CPNE4: variants seen among roughly 807,000 people sequenced by gnomAD.
CPNE4 encodes the protein copine 4, also known as copine-4.
In CPNE4, 25 loss-of-function variants were observed where a neutral mutation model predicts 67.9. That is an observed-to-expected ratio of 0.37 (90% CI 0.27 to 0.51). The LOEUF is 0.51. Among genes scored for constraint, CPNE4 ranks in the 20% least tolerant of loss-of-function variants. The pLI is 0.93. For missense variants in CPNE4, 464 were observed against 690.8 expected (o/e 0.67, Z 3.68); for synonymous variants, 242 against 244.9 (o/e 0.99, Z 0.11).
chr3:131,559,942 T>C (rs1272857279), intron 11 of CPNE4, among the ~76,000 whole-genome samples: 1 of 152,056 alleles, frequency 6.6e-6, no homozygotes, highest in African/African-American at 2.4e-5. Context: ...AAACTCATGA[T>C]GAAAAATGTC....
intron 1 of CPNE4, among the ~76,000 whole-genome samples, chr3:132,009,697 T>C (rs2107675559): frequency 6.6e-6 from 1 of 152,342 alleles, no homozygotes; most frequent in South Asian, 2.1e-4. Context: ...AAAAATTATG[T>C]ATGCAGAGAT....
intron 2 of CPNE4, among the ~76,000 whole-genome samples, chr3:131,760,240 TGAGAG>T (rs1363830680): frequency 2.0e-5 from 3 of 152,198 alleles, no homozygotes; most frequent in African/African-American, 4.8e-5. Context: ...GTCTGAATTA[TGAGAG>T]GAAAGAAGAC....
intron 2 of CPNE4, among the ~76,000 whole-genome samples, chr3:131,900,888 T>C (rs1260379229): frequency 6.6e-6 from 1 of 152,108 alleles, no homozygotes; most frequent in Non-Finnish European, 1.5e-5. Context: ...TGCTTCCATA[T>C]GGAATTGATC....
At chr3:131,846,290 G>C (rs534793841) in intron 2 of CPNE4, among the ~76,000 whole-genome samples, 1 of 152,112 alleles carries the variant, frequency 6.6e-6, no homozygotes, top group Non-Finnish European at 1.5e-5. Flanking sequence ...AGAGGTGTTC[G>C]TTTAGTACAG....
At chr3:131,877,632 C>G (rs1326436454) in intron 2 of CPNE4, among the ~76,000 whole-genome samples, 1 of 151,968 alleles carries the variant, frequency 6.6e-6, no homozygotes, top group East Asian at 1.9e-4. Flanking sequence ...ATAATTGTAA[C>G]AGTATAAAGC....
chr3:131,589,218 G>C (rs73874141), intron 7 of CPNE4, among the ~76,000 whole-genome samples: 17,094 of 152,126 alleles, frequency 0.11, 1,287 homozygotes, highest in African/African-American at 0.21. Context: ...AAGTCTAAAA[G>C]CCTCAAAACC....
chr3:131,652,196 CA>C (rs992687940), intron 7 of CPNE4, among the ~76,000 whole-genome samples: 3 of 152,138 alleles, frequency 2.0e-5, no homozygotes, highest in African/African-American at 7.2e-5. Context: ...AACAACAGAG[CA>C]AGGTAGTATA....
chr3:131,545,206 C>T (rs1159074164), intron 14 of CPNE4, among the ~76,000 whole-genome samples: 1 of 152,100 alleles, frequency 6.6e-6, no homozygotes, highest in Non-Finnish European at 1.5e-5. Context: ...GTCACAAAAT[C>T]TTCATATGTC....
chr3:131,570,335 T>TTTA (rs1559915596), intron 10 of CPNE4, among the ~76,000 whole-genome samples: 7 of 150,876 alleles, frequency 4.6e-5, no homozygotes, highest in African/African-American at 1.7e-4. Flanking sequence ...TTATTTATTT[T>TTTA]TTTAAAATTT....
chr3:131,934,463 T>G (rs1455669087), intron 1 of CPNE4, among the ~76,000 whole-genome samples: 1 of 152,214 alleles, frequency 6.6e-6, no homozygotes, highest in African/African-American at 2.4e-5. Flanking sequence ...GTACAGAACA[T>G]GCAGGTTTGT....
chr3:131,652,219 T>G (rs1031969612), intron 7 of CPNE4, among the ~76,000 whole-genome samples: 7 of 152,224 alleles, frequency 4.6e-5, no homozygotes, highest in African/African-American at 1.7e-4. Flanking sequence ...GATAAACTCA[T>G]TTTAGAAAGC....
chr3:131,792,704 C>CACGTGTATATATATACATATATAT (rs2083791426), intron 2 of CPNE4, among the ~76,000 whole-genome samples: 1 of 71,894 alleles, frequency 1.4e-5, no homozygotes, highest in African/African-American at 6.5e-5. Context: ...TACATATACA[C>CACGTGTATATATATACATATATAT]ACACGTGTAT....
chr3:131,898,744 A>AT (rs1482142029), intron 2 of CPNE4, among the ~76,000 whole-genome samples: 1 of 152,136 alleles, frequency 6.6e-6, no homozygotes, highest in Non-Finnish European at 1.5e-5. Flanking sequence ...AGGAGAAAAT[A>AT]TTATCTGGCT....
At chr3:131,930,908 A>G (rs2369233) in intron 1 of CPNE4, among the ~76,000 whole-genome samples, 54,476 of 151,918 alleles carry the variant, frequency 0.36, 10,380 homozygotes, top group African/African-American at 0.47. Flanking sequence ...CTCTCTTCAC[A>G]TGCCTGCGCC....
rs138357756 is a variant in CPNE4, at chr3:131,839,536, T to C, written c.180+65728A>G. On this transcript the variant is annotated intron_variant, in intron 2 of 15. Coordinates refer to ENST00000429747, the MANE Select transcript of CPNE4 (RefSeq NM_130808.3). ...CATAGTGAGATTACATATTTGCATA[T>C]GCATTTTAATTTTATATATCAATAT... Among the ~76,000 whole-genome samples, 238 of 151,874 alleles carry C rather than the reference T, an allele frequency of 1.6e-3. 4 individuals carry two copies. Among genetic ancestry groups the C allele is most frequent in the Non-Finnish European group, 9.0e-4 (61 of 67,868 alleles).
At chr3:131,543,036 A>G (rs550597845) in intron 14 of CPNE4, 8 of 462,642 alleles carry the variant, frequency 1.7e-5, no homozygotes, top group African/African-American at 1.6e-4. Flanking sequence ...GTTACAAAGA[A>G]AGAGCAGCAG....
chr3:131,690,346 A>T (rs577042904), intron 5 of CPNE4, among the ~76,000 whole-genome samples: 1 of 152,264 alleles, frequency 6.6e-6, no homozygotes, highest in African/African-American at 2.4e-5. Context: ...CAGACACATA[A>T]GACCAATGGA....
At chr3:131,783,817 A>G (rs2083485706) in intron 2 of CPNE4, among the ~76,000 whole-genome samples, 1 of 152,048 alleles carries the variant, frequency 6.6e-6, no homozygotes, top group African/African-American at 2.4e-5. Context: ...GTCATCTCCT[A>G]TTGCTTATCC....
At chr3:131,557,175 G>A (rs915239468) in intron 11 of CPNE4, among the ~76,000 whole-genome samples, 10 of 152,122 alleles carry the variant, frequency 6.6e-5, no homozygotes, top group African/African-American at 2.4e-4. Context: ...GCTGTCGGGT[G>A]GCTGTCGCCA....
Sources: gnomAD v4.1 joint callset for allele counts (sites outside exome capture counted in the v4.1 genomes callset) on GRCh38, gnomAD v4.1.1 for gene constraint, MANE v1.5 for transcripts, NCBI Gene and HGNC (gene_info 2026-07-23, HGNC 2026-07-21) for gene names.